The following IKZF2 variants were observed in gnomAD, a reference collection of about 807,000 sequenced individuals.
The protein encoded by IKZF2 is zinc finger protein Helios.
Under a neutral mutation model 49.2 loss-of-function variants are expected in IKZF2, and 15 were observed. That is an observed-to-expected ratio of 0.30 (90% CI 0.20 to 0.47). The LOEUF is 0.47. Ranked by LOEUF, IKZF2 falls within the 20% of genes least tolerant of loss-of-function variation. IKZF2 has a pLI of 1.00. For synonymous variants in IKZF2, 227 were observed against 221.4 expected, an observed-to-expected ratio of 1.03 and a Z score of -0.23; for missense variants, 567 against 664.6, an observed-to-expected ratio of 0.85 and a Z score of 1.61.
chr2:213,012,327 T>C (rs2125043090), intron 8 of IKZF2, among the ~76,000 whole-genome samples: 1 of 151,982 alleles, frequency 6.6e-6, no homozygotes, highest in South Asian at 2.1e-4. Flanking sequence ...GTAACATCTC[T>C]AAGTCAGGAA....
intron 4 of IKZF2, among the ~76,000 whole-genome samples, chr2:213,109,019 A>G (rs1012708306): frequency 6.7e-6 from 1 of 149,980 alleles, no homozygotes; most frequent in Non-Finnish European, 1.5e-5. Context: ...ATTTCAAAAA[A>G]TGTCTATGCC....
At chr2:213,088,504 A>G (rs1417675770) in intron 4 of IKZF2, among the ~76,000 whole-genome samples, 1 of 152,208 alleles carries the variant, frequency 6.6e-6, no homozygotes, top group Non-Finnish European at 1.5e-5. Flanking sequence ...CACACCTGTA[A>G]TCTTAGCAAT....
chr2:213,097,978 C>CT (rs138456330), intron 4 of IKZF2: 7 of 306,356 alleles, frequency 2.3e-5, no homozygotes, highest in South Asian at 5.8e-5. Flanking sequence ...TTAGAGAAAG[C>CT]TTTTTTTACA....
chr2:213,059,795 A>T (rs1373267136), intron 4 of IKZF2, among the ~76,000 whole-genome samples: 1 of 151,546 alleles, frequency 6.6e-6, no homozygotes, highest in Non-Finnish European at 1.5e-5. Flanking sequence ...TGTGATTTTT[A>T]AAAGTGTGAG....
chr2:213,053,328 T>C (rs1219727260), intron 5 of IKZF2, among the ~76,000 whole-genome samples: 2 of 152,164 alleles, frequency 1.3e-5, no homozygotes, highest in Non-Finnish European at 2.9e-5. Context: ...TACTGGTCCA[T>C]TTTTATTTAT....
At chr2:213,021,945 C>G in intron 7 of IKZF2, 48 bp downstream of exon 7, 1 of 1,467,000 alleles carries the variant, frequency 6.8e-7, no homozygotes, top group East Asian at 2.4e-5. Flanking sequence ...TGTTGAACTA[C>G]AAAAGCAGTA....
chr2:213,024,692 T>C (rs372976599), intron 6 of IKZF2, among the ~76,000 whole-genome samples: 1 of 152,076 alleles, frequency 6.6e-6, no homozygotes, highest in East Asian at 1.9e-4. Context: ...TATACTTAGC[T>C]CCTTCAAAGT....
intron 6 of IKZF2, among the ~76,000 whole-genome samples, chr2:213,029,637 C>G (rs1157543587): frequency 6.6e-6 from 1 of 151,996 alleles, no homozygotes; most frequent in Non-Finnish European, 1.5e-5. Flanking sequence ...GGCATACCAT[C>G]CCATTAGTAA....
intron 7 of IKZF2, among the ~76,000 whole-genome samples, chr2:213,015,691 A>G (rs1436355893): frequency 6.6e-6 from 1 of 152,002 alleles, no homozygotes; most frequent in Non-Finnish European, 1.5e-5. Context: ...ATTATTAGAA[A>G]TAACAATAAA....
chr2:213,150,077 G>C, intron 2 of IKZF2, 67 bp downstream of exon 2: 4 of 916,694 alleles, frequency 4.4e-6, no homozygotes, highest in South Asian at 1.4e-5. Context: ...CAATGAAATG[G>C]TTATTAACCC....
intron 6 of IKZF2, among the ~76,000 whole-genome samples, chr2:213,042,088 G>A (rs988744214): frequency 2.0e-4 from 30 of 152,012 alleles, no homozygotes; most frequent in African/African-American, 6.5e-4. Flanking sequence ...TTGCAGCAAG[G>A]CCACCCTAAA....
intron 4 of IKZF2, among the ~76,000 whole-genome samples, chr2:213,114,343 G>T (rs1574894116): frequency 6.6e-6 from 1 of 151,968 alleles, no homozygotes; most frequent in African/African-American, 2.4e-5. Context: ...CATCTAAAAC[G>T]TTATTTTGAA....
intron 4 of IKZF2, among the ~76,000 whole-genome samples, chr2:213,111,924 T>G (rs1458451944): frequency 6.6e-6 from 1 of 152,152 alleles, no homozygotes; most frequent in Non-Finnish European, 1.5e-5. Context: ...AATTATTACT[T>G]TCAGGGAATT....
chr2:213,038,998 A>G (rs533363066), intron 6 of IKZF2, among the ~76,000 whole-genome samples: 1 of 152,120 alleles, frequency 6.6e-6, no homozygotes. Context: ...TCCAAGCCAC[A>G]TGGTAATTTT....
chr2:213,002,881 C>A lies in IKZF2; in HGVS notation c.*4479G>T, dbSNP rs1695024123. 1.3e-5 allele frequency: 2 copies of A among 151,818 alleles called. No homozygotes were observed. The highest frequency in any genetic ancestry group is 3.0e-5 in the Non-Finnish European group (2 of 67,560). The allele number at this position is 151,818 out of a possible 1,614,324, so 9.4% of individuals were successfully genotyped here. A position where few individuals can be genotyped will look rare whatever the true frequency, so the allele number is the denominator to read the frequency against. The stretch of plus-strand genomic sequence containing the variant: ...TTGTTTGATACAGAACTTATTCTTC[C>A]TTAAAAACAAAACAAAAACACAAAT... On this transcript the variant is annotated 3_prime_UTR_variant, in exon 9 of 9. Transcript: ENST00000434687.
Position 213,150,220 on chromosome 2 carries a change from C to A in IKZF2, c.-92G>T, listed in dbSNP as rs1263212916. The A allele has an allele frequency of 7.7e-7, 1 of 1,292,392 alleles. No individual in the cohort carries two copies. Among genetic ancestry groups the A allele is most frequent in the East Asian group, 5.6e-5 (1 of 17,946 alleles). 80.1% of individuals were successfully genotyped at this position (1,292,392 alleles called of 1,614,324 possible). A position where few individuals can be genotyped will look rare whatever the true frequency, so the allele number is the denominator to read the frequency against. On this transcript the variant is annotated 5_prime_UTR_variant, in exon 2 of 9. Transcript: ENST00000434687. Reference sequence around the variant, plus strand: ...TCGGGAGATCTCAGCTTCTTCTAACCCCTCAAAGAGGAGGTGACAATGTCG... The same window carrying A: ...TCGGGAGATCTCAGCTTCTTCTAACACCTCAAAGAGGAGGTGACAATGTCG...
chr2:213,074,239 T>C (rs981030774), intron 4 of IKZF2, among the ~76,000 whole-genome samples: 3 of 152,198 alleles, frequency 2.0e-5, no homozygotes, highest in African/African-American at 7.2e-5. Flanking sequence ...ACTACAGGAA[T>C]GTGCTCTGAG....
intron 4 of IKZF2, among the ~76,000 whole-genome samples, chr2:213,085,722 G>A (rs886711369): frequency 1.3e-5 from 2 of 152,178 alleles, no homozygotes; most frequent in African/African-American, 4.8e-5. Context: ...ACGATGTTGG[G>A]TCAGCCTGCC....
At chr2:213,083,795 T>A (rs539998507) in intron 4 of IKZF2, among the ~76,000 whole-genome samples, 1 of 149,292 alleles carries the variant, frequency 6.7e-6, no homozygotes, top group African/African-American at 2.5e-5. Flanking sequence ...TGTCACTGTC[T>A]CCCATCACCC....
Sources: gnomAD v4.1 joint callset for allele counts (sites outside exome capture counted in the v4.1 genomes callset) on GRCh38, gnomAD v4.1.1 for gene constraint, MANE v1.5 for transcripts, NCBI Gene and HGNC (gene_info 2026-07-23, HGNC 2026-07-21) for gene names.